RHEB: variants seen among roughly 807,000 people sequenced by gnomAD.
The protein encoded by RHEB is Ras homolog, mTORC1 binding, also known as GTP-binding protein Rheb.
In RHEB, 2 loss-of-function variants were observed where a neutral mutation model predicts 28.8. The observed-to-expected ratio is 0.07, with a 90% CI of 0.03 to 0.22. The LOEUF (loss-of-function observed/expected upper bound fraction) is 0.22, where lower values mean the gene tolerates loss of function less well. Ranked by LOEUF, RHEB falls within the 10% of genes least tolerant of loss-of-function variation. The pLI is 1.00. For missense variants in RHEB, 76 were observed against 219.9 expected (o/e 0.35, Z 4.14); for synonymous variants, 69 against 77.3 (o/e 0.89, Z 0.56).
chr7:151,493,876 T>A (rs1389052700), intron 1 of RHEB, among the ~76,000 whole-genome samples: 3 of 151,826 alleles, frequency 2.0e-5, no homozygotes, highest in Non-Finnish European at 2.9e-5. Context: ...TTATTGAAAC[T>A]GAAAAATTAG....
chr7:151,509,202 C>T (rs575179955), intron 1 of RHEB, among the ~76,000 whole-genome samples: 23 of 152,124 alleles, frequency 1.5e-4, no homozygotes, highest in Non-Finnish European at 2.8e-4. Context: ...AACAATCCTG[C>T]GGTGTGAGGG....
intron 3 of RHEB, among the ~76,000 whole-genome samples, chr7:151,481,311 A>C (rs1456975143): frequency 6.6e-6 from 1 of 152,220 alleles, no homozygotes; most frequent in Non-Finnish European, 1.5e-5. Flanking sequence ...AGTGGTATGG[A>C]TGTACCGACA....
At chr7:151,512,537 A>T (rs1470970825) in intron 1 of RHEB, among the ~76,000 whole-genome samples, 2 of 152,202 alleles carry the variant, frequency 1.3e-5, no homozygotes, top group African/African-American at 4.8e-5. Flanking sequence ...ATAGGCACAC[A>T]GATATCATAA....
intron 1 of RHEB, among the ~76,000 whole-genome samples, chr7:151,504,690 T>C (rs147265221): frequency 2.0e-5 from 3 of 152,270 alleles, no homozygotes; most frequent in East Asian, 3.9e-4. Flanking sequence ...CTGCATAATA[T>C]ATGGTTCCAT....
chr7:151,503,564 T>C (rs1224164478), intron 1 of RHEB: 1 of 555,628 alleles, frequency 1.8e-6, no homozygotes, highest in Non-Finnish European at 3.2e-6. Flanking sequence ...CTGAAACACT[T>C]CCAGAACTTT....
At chr7:151,506,860 G>A (rs1027985330) in intron 1 of RHEB, among the ~76,000 whole-genome samples, 1 of 152,152 alleles carries the variant, frequency 6.6e-6, no homozygotes, top group Admixed American at 6.5e-5. Context: ...TGGGCTGGTG[G>A]TGCTACACAG....
intron 1 of RHEB, among the ~76,000 whole-genome samples, chr7:151,497,748 A>G (rs1802699503): frequency 6.6e-6 from 1 of 152,134 alleles, no homozygotes; most frequent in South Asian, 2.1e-4. Context: ...CACCGGAGGA[A>G]GAGTTAGCCA....
chr7:151,507,928 A>C (rs1014167342), intron 1 of RHEB, among the ~76,000 whole-genome samples: 1 of 152,214 alleles, frequency 6.6e-6, no homozygotes, highest in Non-Finnish European at 1.5e-5. Context: ...AGAAAAATAA[A>C]GTGCTACCCA....
chr7:151,516,303 CA>C (rs951813106), intron 1 of RHEB, among the ~76,000 whole-genome samples: 3 of 149,532 alleles, frequency 2.0e-5, no homozygotes, highest in Non-Finnish European at 1.5e-5. Flanking sequence ...TGACAACACT[CA>C]AAAAAAAAGA....
chr7:151,519,284 G>A (rs1803138588), intron 1 of RHEB, 176 bp downstream of exon 1: 1 of 331,196 alleles, frequency 3.0e-6, no homozygotes, highest in East Asian at 6.8e-5. Context: ...CCACCGGCGC[G>A]GACGCCGCCC....
chr7:151,502,235 A>C (rs1802785700), intron 1 of RHEB: 1 of 502,584 alleles, frequency 2.0e-6, no homozygotes, highest in Non-Finnish European at 3.6e-6. Context: ...TCTCAAAAAA[A>C]AAAAAAAAAA....
chr7:151,497,739 A>G (rs1053804064), intron 1 of RHEB, among the ~76,000 whole-genome samples: 2 of 152,164 alleles, frequency 1.3e-5, no homozygotes, highest in Non-Finnish European at 1.5e-5. Context: ...TGACGTTTTC[A>G]CCGGAGGAAG....
At position 151,471,539 on chromosome 7, in the gene RHEB, T is replaced by C. The variant is rs1445854065; in HGVS notation, c.332+10A>G. 6.3e-7 allele frequency: 1 copy of C among 1,599,084 alleles called. No homozygotes were observed. Among genetic ancestry groups the C allele is most frequent in the South Asian group, 1.1e-5 (1 of 89,296 alleles). ...TTTCTCTAACAAGCAGATAAAATGG[T>C]ACTACTTACTGTACTTTCCCCACCA... is the stretch of plus-strand genomic sequence containing the variant. On this transcript the variant is annotated intron_variant, in intron 5 of 7. Transcript: ENST00000262187.
intron 3 of RHEB, among the ~76,000 whole-genome samples, chr7:151,480,079 C>A (rs1328217550): frequency 6.6e-6 from 1 of 152,158 alleles, no homozygotes; most frequent in African/African-American, 2.4e-5. Flanking sequence ...ACACATAGTG[C>A]TGGTGAGGGT....
intron 4 of RHEB, among the ~76,000 whole-genome samples, chr7:151,473,137 G>A (rs889035609): frequency 3.9e-5 from 6 of 152,192 alleles, no homozygotes; most frequent in Non-Finnish European, 7.3e-5. Context: ...AACAGAATAT[G>A]GCAAAGGTGA....
Position 151,503,116 on chromosome 7 carries a change from A to C in RHEB, c.53-12102T>G, listed in dbSNP as rs1802802119. The C allele has an allele frequency of 8.6e-6, 7 of 814,078 alleles. No homozygotes were observed. In the East Asian group the frequency reaches 1.7e-4, roughly 20 times the overall value. The allele number at this position is 814,078 out of a possible 1,614,324, so 50.4% of individuals were successfully genotyped here. On this transcript the variant is annotated intron_variant, in intron 1 of 7. Coordinates refer to ENST00000262187, the MANE Select transcript of RHEB (RefSeq NM_005614.4). ...TGGAAAAGGGAGCTGTAGAAATTCTAATGGTCTATGAAAATCTGGATATAA... is the reference window on the plus strand; with the variant it reads ...TGGAAAAGGGAGCTGTAGAAATTCTCATGGTCTATGAAAATCTGGATATAA...
intron 1 of RHEB, among the ~76,000 whole-genome samples, chr7:151,500,464 C>T (rs1033318294): frequency 1.3e-4 from 20 of 152,174 alleles, no homozygotes; most frequent in African/African-American, 3.4e-4. Flanking sequence ...CAAAATAGAT[C>T]TATACACATG....
rs774411561 is a variant in RHEB at position 151,467,229 on chromosome 7, C to T, written c.463-18G>A. 32 of 1,579,536 alleles carry T rather than the reference C, an allele frequency of 2.0e-5. No homozygotes were observed. Among genetic ancestry groups the T allele is most frequent in the African/African-American group, 5.4e-5 (4 of 74,188 alleles). On this transcript the variant is annotated intron_variant, in intron 7 of 7. Coordinates refer to ENST00000262187, the MANE Select transcript of RHEB (RefSeq NM_005614.4). The stretch of plus-strand genomic sequence containing the variant: ...ACAGCAGTCTGAAAAGAGAAAGAAA[C>T]CCAATCACAGTGTTAGTGTGAAGCC...
chr7:151,519,829 A>G lies in RHEB; in HGVS notation c.-318T>C, dbSNP rs938517332. 1 of 252,684 alleles carries G rather than the reference A, an allele frequency of 4.0e-6. No homozygotes were observed. The highest frequency in any genetic ancestry group is 2.3e-5 in the African/African-American group (1 of 44,400). 15.7% of individuals were successfully genotyped at this position (252,684 alleles called of 1,614,324 possible). On this transcript the variant is annotated 5_prime_UTR_variant, in exon 1 of 8. Transcript: ENST00000262187. ...GGGGCGACGTTTTACTTTAAAGGCA[A>G]AAAAAGGGGACGCCGCGATGCCCCC...
Sources: gnomAD v4.1 joint callset for allele counts (sites outside exome capture counted in the v4.1 genomes callset) on GRCh38, gnomAD v4.1.1 for gene constraint, MANE v1.5 for transcripts, NCBI Gene and HGNC (gene_info 2026-07-23, HGNC 2026-07-21) for gene names.